DCC: variants seen among roughly 807,000 people sequenced by gnomAD.
DCC encodes DCC netrin 1 receptor.
DCC carries 58 observed loss-of-function variants against 172.5 expected under a neutral mutation model. The ratio of observed to expected loss-of-function variants is 0.34; its 90% CI spans 0.27 to 0.42. The LOEUF (loss-of-function observed/expected upper bound fraction) is 0.42, where lower values mean the gene tolerates loss of function less well. Ranked by LOEUF, DCC falls within the 10% of genes least tolerant of loss-of-function variation. The probability of loss-of-function intolerance (pLI) is 1.00; values close to 1 mark genes in which losing one functional copy is unlikely to be tolerated. For synonymous variants in DCC, 709 were observed against 644.5 expected (o/e 1.10, Z -1.52); for missense variants, 1,740 against 1,791.0 (o/e 0.97, Z 0.51).
Position 53,486,913 on chromosome 18 carries a change from C to A in DCC, c.3853C>A (p.Pro1285Thr). The change falls in exon 26 of 29, where the codon CCA becomes ACA. Residue 1285 changes from proline to threonine, a missense_variant. Around this residue, in one of 2 missense-constraint regions of DCC, gnomAD observed 1,732 missense variants for 1,767.4 expected, o/e 0.98. Coordinates refer to ENST00000442544, the MANE Select transcript of DCC (RefSeq NM_005215.4). ...GTTCACTCTCCGGCCTGTGCCATTC[C>A]CAACACTCTCAGTGGACCGAGGTTT... ...PQFTLRPVPF[P>T]TLSVDRGFGA... 6.2e-7 allele frequency: 1 copy of A among 1,614,200 alleles called. No individual in the cohort carries two copies. Among genetic ancestry groups the A allele is most frequent in the East Asian group, 2.2e-5 (1 of 44,882 alleles).
chr18:52,725,097 C>A (rs1178228748), intron 1 of DCC, among the ~76,000 whole-genome samples: 1 of 152,198 alleles, frequency 6.6e-6, no homozygotes, highest in Non-Finnish European at 1.5e-5. Context: ...AAATCAGAGT[C>A]TGTCATGATT....
At chr18:52,726,956 A>T (rs996428891) in intron 1 of DCC, among the ~76,000 whole-genome samples, 1 of 152,206 alleles carries the variant, frequency 6.6e-6, no homozygotes, top group Admixed American at 6.5e-5. Context: ...CAGCTTTGGA[A>T]AACTCCTAAT....
At chr18:52,817,853 T>C (rs184546791) in intron 2 of DCC, among the ~76,000 whole-genome samples, 26 of 152,244 alleles carry the variant, frequency 1.7e-4, no homozygotes, top group Admixed American at 1.6e-3. Flanking sequence ...TATACACATA[T>C]AATGAAATAC....
chr18:52,845,234 A>G (rs920510839), intron 2 of DCC, among the ~76,000 whole-genome samples: 3 of 152,200 alleles, frequency 2.0e-5, no homozygotes, highest in Non-Finnish European at 4.4e-5. Flanking sequence ...ATACATCTTA[A>G]AGAAGACTGA....
chr18:52,355,520 A>T (rs1984323476), intron 1 of DCC, among the ~76,000 whole-genome samples: 1 of 152,222 alleles, frequency 6.6e-6, no homozygotes, highest in South Asian at 2.1e-4. Context: ...GAAAAACATT[A>T]CACTCAAGGA....
intron 9 of DCC, among the ~76,000 whole-genome samples, chr18:53,204,391 T>A (rs1328871396): frequency 1.3e-5 from 2 of 151,532 alleles, no homozygotes; most frequent in Non-Finnish European, 2.9e-5. Context: ...AAAATAAAAA[T>A]AAAAAAATAA....
At position 53,530,887 on chromosome 18, in the gene DCC, A is replaced by AT; in HGVS notation, c.*238dup. 1.7e-6 allele frequency: 1 copy of AT among 601,380 alleles called. No individual in the cohort carries two copies. The highest frequency in any genetic ancestry group is 1.8e-5 in the African/African-American group (1 of 54,264). 37.3% of individuals were successfully genotyped at this position (601,380 alleles called of 1,614,324 possible). A position where few individuals can be genotyped will look rare whatever the true frequency, so the allele number is the denominator to read the frequency against. On this transcript the variant is annotated 3_prime_UTR_variant, in exon 29 of 29. Coordinates refer to ENST00000442544, the MANE Select transcript of DCC (RefSeq NM_005215.4). ...GTTCCCTAAACAAAAGCAAAGATGC[A>AT]TTTTCACTGCAATGTCAAAGTTTAA... is the stretch of plus-strand genomic sequence containing the variant.
intron 5 of DCC, among the ~76,000 whole-genome samples, chr18:52,990,983 G>A (rs1312083785): frequency 6.6e-6 from 1 of 152,132 alleles, no homozygotes; most frequent in African/African-American, 2.4e-5. Flanking sequence ...AGGGCATTGA[G>A]CCAAGACAGG....
intron 9 of DCC, among the ~76,000 whole-genome samples, chr18:53,202,447 A>G (rs2055553308): frequency 6.6e-6 from 1 of 152,190 alleles, no homozygotes; most frequent in Non-Finnish European, 1.5e-5. Flanking sequence ...ACTTTTGCTT[A>G]TAGTCAAATG....
chr18:52,409,603 T>G (rs1246687958), intron 1 of DCC, among the ~76,000 whole-genome samples: 4 of 152,106 alleles, frequency 2.6e-5, no homozygotes, highest in Non-Finnish European at 5.9e-5. Context: ...CCTTTACAAA[T>G]CCATTAGAGA....
rs1407304164 is a variant in DCC, at chr18:52,739,338, C to T, written c.92-12716C>T. ...ATTGAAGAAATTTTTCCAAATTATT[C>T]GTTTTTGTCTATCTATGTTTGGTTA... On this transcript the variant is annotated intron_variant, in intron 1 of 28. Transcript: ENST00000442544. Among the ~76,000 whole-genome samples, 5 of 151,996 alleles carry T rather than the reference C, an allele frequency of 3.3e-5. No homozygotes were observed. The South Asian group carries it at 6.2e-4, about 19-fold the overall frequency.
intron 1 of DCC, among the ~76,000 whole-genome samples, chr18:52,596,113 A>G (rs1332751595): frequency 6.6e-6 from 1 of 152,190 alleles, no homozygotes; most frequent in Non-Finnish European, 1.5e-5. Flanking sequence ...TACAATCTTT[A>G]TGGAATAGAT....
At chr18:53,061,525 GA>G (rs1156455570) in intron 5 of DCC, among the ~76,000 whole-genome samples, 13 of 152,032 alleles carry the variant, frequency 8.6e-5, no homozygotes, top group African/African-American at 3.1e-4. Flanking sequence ...CAGGAAAGAA[GA>G]ACTTAAATAA....
At chr18:53,509,936 A>G (rs1225695928) in intron 27 of DCC, among the ~76,000 whole-genome samples, 1 of 152,232 alleles carries the variant, frequency 6.6e-6, no homozygotes, top group East Asian at 1.9e-4. Context: ...ATTTTCATAG[A>G]AACACCTGAG....
intron 2 of DCC, among the ~76,000 whole-genome samples, chr18:52,902,928 G>A (rs1024792454): frequency 6.6e-6 from 1 of 152,166 alleles, no homozygotes; most frequent in Non-Finnish European, 1.5e-5. Flanking sequence ...CTTTTAAACA[G>A]GATGCAGTTC....
At chr18:52,976,916 A>G (rs1366830865) in intron 5 of DCC, among the ~76,000 whole-genome samples, 1 of 152,222 alleles carries the variant, frequency 6.6e-6, no homozygotes, top group African/African-American at 2.4e-5. Context: ...GTTTTACATT[A>G]TTCTGGAATG....
intron 9 of DCC, among the ~76,000 whole-genome samples, chr18:53,185,224 A>C (rs2055261728): frequency 2.0e-5 from 3 of 152,196 alleles, no homozygotes; most frequent in African/African-American, 7.2e-5. Flanking sequence ...ATTCATTTAG[A>C]TTTAATGGTC....
intron 1 of DCC, among the ~76,000 whole-genome samples, chr18:52,672,673 C>G (rs1008568255): frequency 3.3e-5 from 5 of 150,640 alleles, no homozygotes; most frequent in African/African-American, 1.2e-4. Context: ...CCCCTTCCCC[C>G]CTTCCCTCCT....
chr18:52,681,898 TA>T (rs34891621), intron 1 of DCC, among the ~76,000 whole-genome samples: 70,021 of 151,844 alleles, frequency 0.46, 16,300 homozygotes, highest in Non-Finnish European at 0.51. Context: ...TCTTCCCTTC[TA>T]AAAAAAATGC....
Sources: allele counts gnomAD v4.1 joint callset (sites outside exome capture counted in the v4.1 genomes callset), GRCh38; gene constraint gnomAD v4.1.1; regional missense constraint gnomAD v4.1.1; transcripts MANE v1.5; gene names NCBI Gene and HGNC (gene_info 2026-07-23, HGNC 2026-07-21).